Variants in CDIN1 observed in about 807,000 individuals in gnomAD.
The protein encoded by CDIN1 is CDAN1 interacting nuclease 1.
Under a neutral mutation model 45.3 loss-of-function variants are expected in CDIN1, and 33 were observed. That is an observed-to-expected ratio of 0.73 (90% CI 0.55 to 0.97). The LOEUF (loss-of-function observed/expected upper bound fraction) is 0.97. Ranked by LOEUF, CDIN1 falls within the 50% of genes least tolerant of loss-of-function variation. The pLI, the probability that CDIN1 is intolerant of heterozygous loss-of-function variation, is 0.00. For missense variants in CDIN1, 303 were observed against 339.4 expected (o/e 0.89, Z 0.84); for synonymous variants, 118 against 124.4 (o/e 0.95, Z 0.34).
intron 10 of CDIN1, among the ~76,000 whole-genome samples, chr15:36,780,167 T>G (rs1440789228): frequency 6.6e-6 from 1 of 152,160 alleles, no homozygotes; most frequent in East Asian, 1.9e-4. Flanking sequence ...GATATTAAAG[T>G]AGATTTCAGA....
chr15:36,652,917 G>T (rs1214989454), intron 3 of CDIN1, among the ~76,000 whole-genome samples: 1 of 152,094 alleles, frequency 6.6e-6, no homozygotes, highest in East Asian at 1.9e-4. Context: ...ATAATATACT[G>T]TAGGGAAAAT....
intron 1 of CDIN1, among the ~76,000 whole-genome samples, chr15:36,583,396 C>A (rs2037136233): frequency 6.6e-6 from 1 of 152,062 alleles, no homozygotes; most frequent in African/African-American, 2.4e-5. Context: ...TTCTTCATGG[C>A]TTGTTTTGAC....
intron 10 of CDIN1, among the ~76,000 whole-genome samples, chr15:36,788,493 C>G (rs1372939709): frequency 7.2e-5 from 11 of 151,876 alleles, no homozygotes; most frequent in Admixed American, 7.2e-4. Flanking sequence ...ATTAATGTTA[C>G]CTTCAGAAGT....
chr15:36,774,167 C>CGCGCGCGT (rs1799736942), intron 10 of CDIN1, among the ~76,000 whole-genome samples: 1 of 127,224 alleles, frequency 7.9e-6, no homozygotes, highest in African/African-American at 4.0e-5. Flanking sequence ...TGTGTGTGCG[C>CGCGCGCGT]GCGCGCGCAT....
intron 5 of CDIN1, among the ~76,000 whole-genome samples, chr15:36,659,029 G>A (rs1351794889): frequency 6.6e-6 from 1 of 152,194 alleles, no homozygotes; most frequent in Non-Finnish European, 1.5e-5. Context: ...AGATTAAAGT[G>A]GATGTGTGTT....
intron 10 of CDIN1, among the ~76,000 whole-genome samples, chr15:36,807,954 A>G (rs1274272411): frequency 1.3e-5 from 2 of 152,218 alleles, no homozygotes; most frequent in East Asian, 3.9e-4. Context: ...ATTAAATGTT[A>G]GACTTAAATC....
intron 5 of CDIN1, among the ~76,000 whole-genome samples, chr15:36,665,724 T>C (rs1187017273): frequency 6.6e-6 from 1 of 152,210 alleles, no homozygotes; most frequent in African/African-American, 2.4e-5. Context: ...AAGAAGACTA[T>C]GGAAGTCAAA....
At chr15:36,797,334 A>AC (rs1404799212) in intron 10 of CDIN1, among the ~76,000 whole-genome samples, 1 of 152,212 alleles carries the variant, frequency 6.6e-6, no homozygotes, top group Non-Finnish European at 1.5e-5. Flanking sequence ...TGTTTTTACA[A>AC]CCTTATCTTC....
chr15:36,704,466 A>G (rs1243171633), intron 8 of CDIN1: 1 of 152,058 alleles, frequency 6.6e-6, no homozygotes, highest in Non-Finnish European at 1.5e-5. Flanking sequence ...AAACCTTGCA[A>G]ACTTCTTAAA....
chr15:36,650,497 C>T (rs563959251), intron 3 of CDIN1, among the ~76,000 whole-genome samples: 1 of 151,750 alleles, frequency 6.6e-6, no homozygotes, highest in South Asian at 2.1e-4. Flanking sequence ...GGCTGCAGTG[C>T]AGTGGTGCAA....
intron 10 of CDIN1, among the ~76,000 whole-genome samples, chr15:36,758,971 G>T (rs1235593451): frequency 6.6e-6 from 1 of 152,136 alleles, no homozygotes; most frequent in Non-Finnish European, 1.5e-5. Flanking sequence ...CTTTGCTTTT[G>T]CATTTCTCTG....
intron 10 of CDIN1, among the ~76,000 whole-genome samples, chr15:36,725,054 A>G (rs2043571735): frequency 6.6e-6 from 1 of 152,154 alleles, no homozygotes; most frequent in Non-Finnish European, 1.5e-5. Flanking sequence ...TAAAGAACTG[A>G]AAGGTCATTC....
chr15:36,678,129 T>C (rs939412562), intron 5 of CDIN1, among the ~76,000 whole-genome samples: 2 of 152,226 alleles, frequency 1.3e-5, no homozygotes, highest in Non-Finnish European at 2.9e-5. Context: ...TTAAAAGATA[T>C]TTCTTATTCA....
chr15:36,709,855 G>A lies in CDIN1; in HGVS notation c.611-1G>A. ...TATATTAGTAATGCTTTGTCCCTTA[G>A]CTGTAGAAGGGCACATAATTCACTG... is the stretch of plus-strand genomic sequence containing the variant. On this transcript the variant is annotated splice_acceptor_variant, in intron 9 of 10. Transcript: ENST00000566621. LOFTEE classifies it high-confidence loss of function. The A allele has an allele frequency of 6.2e-7, 1 of 1,611,718 alleles. No individual in the cohort carries two copies. The highest frequency in any genetic ancestry group is 8.5e-7 in the Non-Finnish European group (1 of 1,178,020).
At chr15:36,731,992 G>A (rs758001914) in intron 10 of CDIN1, among the ~76,000 whole-genome samples, 17 of 152,106 alleles carry the variant, frequency 1.1e-4, no homozygotes, top group South Asian at 2.1e-4. Context: ...ACTTCGTTAC[G>A]TCACAGTAGT....
At chr15:36,796,029 T>C (rs1055614267) in intron 10 of CDIN1, among the ~76,000 whole-genome samples, 4 of 152,228 alleles carry the variant, frequency 2.6e-5, no homozygotes, top group South Asian at 2.1e-4. Flanking sequence ...TCATCCTGGG[T>C]AAAGTATGAC....
chr15:36,786,091 AAG>A (rs1395533282), intron 10 of CDIN1, among the ~76,000 whole-genome samples: 1 of 152,264 alleles, frequency 6.6e-6, no homozygotes, highest in Non-Finnish European at 1.5e-5. Context: ...TTCATACACT[AAG>A]AGAAAATGAA....
At chr15:36,667,526 T>C (rs917355026) in intron 5 of CDIN1, among the ~76,000 whole-genome samples, 2 of 152,180 alleles carry the variant, frequency 1.3e-5, no homozygotes, top group Non-Finnish European at 2.9e-5. Context: ...TTCAATGTGG[T>C]AACTGCCAAT....
rs748628966 is a variant in CDIN1 at position 36,579,937 on chromosome 15, G to A, written c.77G>A (p.Arg26Lys). The change falls in exon 1 of 11, where the codon AGG (arginine) becomes AAG (lysine). Residue 26 changes from arginine (R) to lysine (K), a missense_variant. Transcript: ENST00000566621. ...GTGCCGCCTACCAGGCAGAGCCTGA[G>A]GAAGCTGAAGCAGAGGTTTCCCAGG... is the stretch of plus-strand genomic sequence containing the variant. ...VSVPPTRQSL[R>K]KLKQRFPSQS... The A allele has an allele frequency of 6.2e-7, 1 of 1,613,782 alleles. No individual in the cohort carries two copies. Among genetic ancestry groups the A allele is most frequent in the African/African-American group, 1.3e-5 (1 of 75,072 alleles).
Sources: gnomAD v4.1 joint callset for allele counts (sites outside exome capture counted in the v4.1 genomes callset) on GRCh38, gnomAD v4.1.1 for gene constraint, MANE v1.5 for transcripts, NCBI Gene and HGNC (gene_info 2026-07-23, HGNC 2026-07-21) for gene names.